The following RAB19 variants were observed in gnomAD, a reference collection of about 807,000 sequenced individuals.
RAB19 encodes ras-related protein Rab-19.
Under a neutral mutation model 17.3 loss-of-function variants are expected in RAB19, and 21 were observed. That is an observed-to-expected ratio of 1.21 (90% CI 0.86 to 1.74). RAB19 has a LOEUF of 1.74. Among genes scored for constraint, RAB19 ranks in the 40% most tolerant of loss-of-function variants. RAB19 has a pLI of 0.00. For missense variants in RAB19, 277 were observed against 286.8 expected, an observed-to-expected ratio of 0.97 and a Z score of 0.25; for synonymous variants, 126 against 110.4, an observed-to-expected ratio of 1.14 and a Z score of -0.88.
intron 3 of RAB19, among the ~76,000 whole-genome samples, chr7:140,415,232 G>A (rs375688671): frequency 6.6e-6 from 1 of 151,720 alleles, no homozygotes; most frequent in Non-Finnish European, 1.5e-5. Context: ...CTGCCATCAC[G>A]CCCAGCTAAT....
intron 3 of RAB19, among the ~76,000 whole-genome samples, chr7:140,425,674 A>G (rs1486856096): frequency 6.6e-6 from 1 of 152,046 alleles, no homozygotes; most frequent in Non-Finnish European, 1.5e-5. Flanking sequence ...CAATGAGCCA[A>G]GATTGCGCCA....
rs35384452 is a variant in RAB19, at chr7:140,427,452, C to CTT, written c.*1317_*1318dup. ...CAGGCATGAGCCACCATGCCCGGCC[C>CTT]TTTTTTTTTTTTTTTTGAGACAGAG... On this transcript the variant is annotated 3_prime_UTR_variant, in exon 4 of 4. Coordinates refer to ENST00000537763, the MANE Select transcript of RAB19 (RefSeq NM_001008749.3). 4.9e-5 allele frequency among the ~76,000 whole-genome samples: 6 copies of CTT among 121,674 alleles called. 1 individual carries two copies. The highest frequency in any genetic ancestry group is 9.5e-5 in the African/African-American group (3 of 31,432). The allele number at this position is 121,674 out of a possible 152,430, so 79.8% of individuals were successfully genotyped here. A position where few individuals can be genotyped will look rare whatever the true frequency, so the allele number is the denominator to read the frequency against.
At chr7:140,408,756 G>A (rs1563069127) in intron 2 of RAB19, among the ~76,000 whole-genome samples, 1 of 152,032 alleles carries the variant, frequency 6.6e-6, no homozygotes, top group Non-Finnish European at 1.5e-5. Flanking sequence ...GATTACAGAT[G>A]TGAACCACCA....
At chr7:140,418,147 G>A (rs897830864) in intron 3 of RAB19, among the ~76,000 whole-genome samples, 5 of 152,046 alleles carry the variant, frequency 3.3e-5, no homozygotes, top group African/African-American at 1.2e-4. Flanking sequence ...CAGTGACTAT[G>A]GGAAAAGATT....
rs757001951 is a variant in RAB19 at position 140,411,962 on chromosome 7, A to G, written c.290A>G (p.Tyr97Cys). The change falls in exon 3 of 4, where the codon TAT becomes TGT. Residue 97 changes from tyrosine (Y) to cysteine (C), a missense_variant. Physicochemically the swap from Tyr to Cys is radical, Grantham distance 194 (BLOSUM62 -2). Transcript: ENST00000537763. The stretch of plus-strand genomic sequence containing the variant: ...AGTGCCCACGCAGCCATCATCGCCT[A>G]TGACCTCACCCGGCGGTCCACGTTC... ...YRSAHAAIIA[Y>C]DLTRRSTFES... The G allele has an allele frequency of 6.8e-6, 11 of 1,614,058 alleles. No individual in the cohort carries two copies. The highest frequency in any genetic ancestry group is 5.3e-5 in the African/African-American group (4 of 74,928).
Position 140,426,419 on chromosome 7 carries a change from G to A in RAB19, c.*269G>A, listed in dbSNP as rs1180945450. On this transcript the variant is annotated 3_prime_UTR_variant, in exon 4 of 4. Coordinates refer to ENST00000537763, the MANE Select transcript of RAB19 (RefSeq NM_001008749.3). ...GACTTCAGGCTAGGAGAGGGAGGAC[G>A]AAGTGTACTCTTCTCCCCTTTCACT... is the stretch of plus-strand genomic sequence containing the variant. 1.3e-5 allele frequency among the ~76,000 whole-genome samples: 2 copies of A among 152,170 alleles called. No homozygotes were observed. Among genetic ancestry groups the A allele is most frequent in the Non-Finnish European group, 1.5e-5 (1 of 68,028 alleles).
chr7:140,411,916 A>T lies in RAB19; in HGVS notation c.244A>T (p.Ile82Phe). Reference sequence around the variant, plus strand: ...AGCTGGCCAGGAGCGCTTCCGCACCATCACCCAAAGCTACTACCGCAGTGC... The same window carrying T: ...AGCTGGCCAGGAGCGCTTCCGCACCTTCACCCAAAGCTACTACCGCAGTGC... Reference protein sequence around the residue: ...DTAGQERFRTITQSYYRSAHA... With the variant: ...DTAGQERFRTFTQSYYRSAHA... Residue 82 changes from isoleucine (I) to phenylalanine (F), a missense_variant, in exon 3 of 4, where the codon ATC becomes TTC. Transcript: ENST00000537763. The T allele has an allele frequency of 6.2e-7, 1 of 1,614,208 alleles. No homozygotes were observed. Among genetic ancestry groups the T allele is most frequent in the East Asian group, 2.2e-5 (1 of 44,872 alleles).
chr7:140,408,720 C>T (rs1799295343), intron 2 of RAB19, among the ~76,000 whole-genome samples: 1 of 152,036 alleles, frequency 6.6e-6, no homozygotes, highest in South Asian at 2.1e-4. Context: ...AAGTGATCCG[C>T]CCACCTCTAC....
chr7:140,409,899 A>G lies in RAB19; in HGVS notation c.202-1975A>G, dbSNP rs186682618. Among the ~76,000 whole-genome samples the G allele has an allele frequency of 9.6e-3, 1,435 of 150,020 alleles. 23 individuals are homozygous for G. Among genetic ancestry groups the G allele is most frequent in the African/African-American group, 0.033 (1,343 of 40,910 alleles). The stretch of plus-strand genomic sequence containing the variant: ...TCCCAGCTACTTGGGAGGCTGAGGC[A>G]GGAGAATGGCGTGAACCCGGGAGGC... On this transcript the variant is annotated intron_variant, in intron 2 of 3. Transcript: ENST00000537763.
chr7:140,421,804 C>T lies in RAB19; in HGVS notation c.386-4078C>T, dbSNP rs534815626. On this transcript the variant is annotated intron_variant, in intron 3 of 3. Coordinates refer to ENST00000537763, the MANE Select transcript of RAB19 (RefSeq NM_001008749.3). ...CATGAACCACTATACCCAGCCTTTT[C>T]GTCTCTTGATGGTGTATTGTGATGA... 3.6e-4 allele frequency among the ~76,000 whole-genome samples: 55 copies of T among 152,004 alleles called. 1 individual carries two copies. In the South Asian group the frequency reaches 6.8e-3, roughly 19 times the overall value.
intron 3 of RAB19, among the ~76,000 whole-genome samples, chr7:140,419,952 A>G (rs1393607855): frequency 1.3e-5 from 2 of 152,202 alleles, no homozygotes; most frequent in Non-Finnish European, 2.9e-5. Flanking sequence ...AATACTTTTC[A>G]AGTCCAAGGC....
chr7:140,425,556 C>T (rs936215997), intron 3 of RAB19, among the ~76,000 whole-genome samples: 1 of 151,868 alleles, frequency 6.6e-6, no homozygotes, highest in Admixed American at 6.6e-5. Context: ...AAAACACCTT[C>T]TCTACTAAAA....
intron 2 of RAB19, among the ~76,000 whole-genome samples, chr7:140,409,556 G>C (rs545907507): frequency 6.6e-6 from 1 of 152,018 alleles, no homozygotes; most frequent in Non-Finnish European, 1.5e-5. Flanking sequence ...AATTAACCGG[G>C]CGTGGTGGCA....
chr7:140,420,514 G>C (rs912845000), intron 3 of RAB19, among the ~76,000 whole-genome samples: 1 of 152,016 alleles, frequency 6.6e-6, no homozygotes, highest in Non-Finnish European at 1.5e-5. Flanking sequence ...AGGAGAGAAC[G>C]GAGGAAGGAT....
chr7:140,411,701 T>C (rs1799365177), intron 2 of RAB19, 173 bp from the exon 3 acceptor site: 1 of 1,424,022 alleles, frequency 7.0e-7, no homozygotes, highest in African/African-American at 1.4e-5. Context: ...GATATCCAAG[T>C]CATCCAGGGA....
At chr7:140,413,238 T>C (rs1191900585) in intron 3 of RAB19, among the ~76,000 whole-genome samples, 1 of 152,248 alleles carries the variant, frequency 6.6e-6, no homozygotes, top group Non-Finnish European at 1.5e-5. Context: ...TCCATTGGTC[T>C]ATGTGTCTGT....
chr7:140,408,852 C>T (rs1799297704), intron 2 of RAB19, among the ~76,000 whole-genome samples: 1 of 152,042 alleles, frequency 6.6e-6, no homozygotes, highest in Admixed American at 6.6e-5. Flanking sequence ...TCCATCTCCC[C>T]GACTCAAGCG....
At chr7:140,418,993 A>G (rs1799512074) in intron 3 of RAB19, among the ~76,000 whole-genome samples, 1 of 150,126 alleles carries the variant, frequency 6.7e-6, no homozygotes, top group African/African-American at 2.5e-5. Context: ...TTTTTTAATC[A>G]TTTTACTACC....
chr7:140,417,116 G>T (rs962095366), intron 3 of RAB19, among the ~76,000 whole-genome samples: 36 of 150,528 alleles, frequency 2.4e-4, no homozygotes, highest in Non-Finnish European at 3.8e-4. Flanking sequence ...AGTGCCTATA[G>T]TCCCAGCTAC....
Sources: gnomAD v4.1 joint callset for allele counts (sites outside exome capture counted in the v4.1 genomes callset) on GRCh38, gnomAD v4.1.1 for gene constraint, MANE v1.5 for transcripts, NCBI Gene and HGNC (gene_info 2026-07-23, HGNC 2026-07-21) for gene names.